Variants in TAF13 observed in about 807,000 individuals in gnomAD.
TAF13 encodes the protein TATA-box binding protein associated factor 13, also known as transcription initiation factor TFIID subunit 13.
Under a neutral mutation model 18.7 loss-of-function variants are expected in TAF13, and 9 were observed. The observed-to-expected ratio is 0.48, with a 90% CI of 0.29 to 0.84. TAF13 has a LOEUF of 0.84. Ranked by LOEUF, TAF13 falls within the 40% of genes least tolerant of loss-of-function variation. TAF13 has a pLI of 0.08. For missense variants in TAF13, 105 were observed against 146.5 expected (o/e 0.72, Z 1.46); for synonymous variants, 49 against 44.1 (o/e 1.11, Z -0.44).
intron 2 of TAF13, among the ~76,000 whole-genome samples, chr1:109,070,460 G>A (rs138782923): frequency 2.0e-5 from 3 of 152,098 alleles, no homozygotes; most frequent in African/African-American, 4.8e-5. Context: ...CTCATGATCC[G>A]CCCATCTCAG....
chr1:109,068,688 CAG>C (rs1377572482), intron 2 of TAF13, among the ~76,000 whole-genome samples: 1 of 152,042 alleles, frequency 6.6e-6, no homozygotes, highest in Non-Finnish European at 1.5e-5. Context: ...TATAAACTCC[CAG>C]TCCAGAGACA....
intron 3 of TAF13, among the ~76,000 whole-genome samples, chr1:109,064,971 A>G (rs761462170): frequency 6.6e-6 from 1 of 151,792 alleles, no homozygotes; most frequent in Non-Finnish European, 1.5e-5. Flanking sequence ...TGATATATGT[A>G]GATTTTGTCT....
chr1:109,064,647 T>C lies in TAF13; in HGVS notation c.251A>G (p.Glu84Gly). 1 of 1,570,854 alleles carries C rather than the reference T, an allele frequency of 6.4e-7. No homozygotes were observed. Among genetic ancestry groups the C allele is most frequent in the South Asian group, 1.2e-5 (1 of 83,430 alleles). The change falls in exon 4 of 4, where the codon GAA (glutamate) becomes GGA (glycine). Residue 84 changes from glutamate to glycine, a missense_variant. Glu to Gly is a moderately conservative substitution (Grantham distance 98, BLOSUM62 -2). Transcript: ENST00000338366. ...CTTTCGAATCAAGAAGACGATATCT[T>C]CAACTTGTACTCGACCTTGTCTTCC... ...SIGRQGRVQV[E>G]DIVFLIRKDP...
chr1:109,075,941 C>T lies in TAF13; in HGVS notation c.7G>A (p.Asp3Asn). The T allele has an allele frequency of 6.2e-7, 1 of 1,614,240 alleles. No individual in the cohort carries two copies. The highest frequency in any genetic ancestry group is 1.1e-5 in the South Asian group (1 of 91,090). ...CTCACCGTGGGGTCTTCTTCCTCAT[C>T]TGCCATCCCACTAGCACGCCAACTC... MA[D>N]EEEDPTFEEE... Residue 3 changes from aspartate to asparagine, a missense_variant, in exon 1 of 4, where the codon GAT becomes AAT. By Grantham distance (23) the Asp-to-Asn change is conservative. Transcript: ENST00000338366.
In TAF13 at chr1:109,064,482, T is replaced by C; in HGVS notation, c.*41A>G. ...TTAGAAAATATACAATTATTATATATGGTTTCCCCAGATGGTAATTTTCGG... is the reference window on the plus strand; with the variant it reads ...TTAGAAAATATACAATTATTATATACGGTTTCCCCAGATGGTAATTTTCGG... On this transcript the variant is annotated 3_prime_UTR_variant, in exon 4 of 4. Coordinates refer to ENST00000338366, the MANE Select transcript of TAF13 (RefSeq NM_005645.4). 7.4e-7 allele frequency: 1 copy of C among 1,356,040 alleles called. No individual in the cohort carries two copies. 84.0% of individuals were successfully genotyped at this position (1,356,040 alleles called of 1,614,324 possible).
intron 2 of TAF13, among the ~76,000 whole-genome samples, chr1:109,071,772 T>G (rs1023768039): frequency 1.6e-4 from 24 of 151,348 alleles, no homozygotes; most frequent in Non-Finnish European, 2.1e-4. Context: ...GCCAACATGA[T>G]GAAACCCTGT....
At chr1:109,075,119 A>AT in intron 1 of TAF13, 54 bp from the exon 2 acceptor site, 1 of 1,430,690 alleles carries the variant, frequency 7.0e-7, no homozygotes. Context: ...TGCATTTGAT[A>AT]TTTTAATAAT....
chr1:109,074,711 C>G (rs1426587608), intron 2 of TAF13, among the ~76,000 whole-genome samples: 1 of 151,268 alleles, frequency 6.6e-6, no homozygotes, highest in Non-Finnish European at 1.5e-5. Flanking sequence ...ACCCGGGAGG[C>G]GGAGCTTGCA....
chr1:109,074,161 A>T (rs894702038), intron 2 of TAF13, among the ~76,000 whole-genome samples: 11 of 152,218 alleles, frequency 7.2e-5, no homozygotes, highest in Non-Finnish European at 1.3e-4. Flanking sequence ...GAAAAGAAAG[A>T]GAGATCAGAT....
At position 109,064,458 on chromosome 1, in the gene TAF13, T is replaced by C. The variant is rs1305092256; in HGVS notation, c.*65A>G. The C allele has an allele frequency of 1.6e-6, 2 of 1,278,360 alleles. No individual in the cohort carries two copies. The highest frequency in any genetic ancestry group is 2.0e-6 in the Non-Finnish European group (2 of 985,694). 79.2% of individuals were successfully genotyped at this position (1,278,360 alleles called of 1,614,324 possible). The stretch of plus-strand genomic sequence containing the variant: ...ATGGCTAGATATCAGAATCTTACTT[T>C]AGAAAATATACAATTATTATATATG... On this transcript the variant is annotated 3_prime_UTR_variant, in exon 4 of 4. Transcript: ENST00000338366.
intron 3 of TAF13, among the ~76,000 whole-genome samples, chr1:109,065,414 G>A (rs28522171): frequency 0.15 from 23,065 of 151,856 alleles, 2,259 homozygotes; most frequent in East Asian, 0.35. Flanking sequence ...ACTTGAGTCC[G>A]GAAGGTCTCA....
chr1:109,071,187 T>C (rs759347047), intron 2 of TAF13, among the ~76,000 whole-genome samples: 1 of 152,068 alleles, frequency 6.6e-6, no homozygotes, highest in Non-Finnish European at 1.5e-5. Flanking sequence ...ACGCCTGTAA[T>C]TCCAGCACTT....
At chr1:109,066,064 AG>A in intron 3 of TAF13, 70 bp downstream of exon 3, 1 of 1,284,592 alleles carries the variant, frequency 7.8e-7, no homozygotes, top group Non-Finnish European at 1.1e-6. Flanking sequence ...CATAAGTTCT[AG>A]TCTTACCTAA....
At chr1:109,065,688 C>A (rs1000108754) in intron 3 of TAF13, among the ~76,000 whole-genome samples, 1 of 151,966 alleles carries the variant, frequency 6.6e-6, no homozygotes, top group Non-Finnish European at 1.5e-5. Context: ...TTTGGGAGGC[C>A]GAGGCTGGCG....
chr1:109,065,717 G>A (rs1247289151), intron 3 of TAF13, among the ~76,000 whole-genome samples: 1 of 152,116 alleles, frequency 6.6e-6, no homozygotes, highest in Non-Finnish European at 1.5e-5. Context: ...GAGGTTGGGA[G>A]TTTGAGACCA....
chr1:109,073,928 G>A (rs561096), intron 2 of TAF13, among the ~76,000 whole-genome samples: 2 of 149,880 alleles, frequency 1.3e-5, no homozygotes, highest in African/African-American at 4.9e-5. Flanking sequence ...GAGGAGCACC[G>A]CTGCCCGGCC....
intron 2 of TAF13, among the ~76,000 whole-genome samples, chr1:109,073,942 AC>A (rs1174344763): frequency 1.0e-4 from 15 of 144,176 alleles, no homozygotes; most frequent in Admixed American, 9.0e-4. Flanking sequence ...CCCGGCCGCC[AC>A]CCCGTCTGGG....
chr1:109,071,961 T>A (rs773972426), intron 2 of TAF13, among the ~76,000 whole-genome samples: 571 of 7,104 alleles, frequency 0.08, 19 homozygotes, highest in East Asian at 0.45. Flanking sequence ...AAAGAAAATA[T>A]ATATATATAT....
rs1663946147 is a variant in TAF13 at position 109,066,059 on chromosome 1, G to C, written c.204+76C>G. 7.3e-6 allele frequency: 9 copies of C among 1,240,758 alleles called. 1 individual carries two copies. The South Asian group carries it at 1.0e-4, about 14-fold the overall frequency. 76.9% of individuals were successfully genotyped at this position (1,240,758 alleles called of 1,614,324 possible). On this transcript the variant is annotated intron_variant, in intron 3 of 3. Coordinates refer to ENST00000338366, the MANE Select transcript of TAF13 (RefSeq NM_005645.4). Reference sequence around the variant, plus strand: ...AGCTTATTTCAAAGGGATGCCATAAGTTCTAGTCTTACCTAAAGTTTAATA... The same window carrying C: ...AGCTTATTTCAAAGGGATGCCATAACTTCTAGTCTTACCTAAAGTTTAATA...
Sources: allele counts gnomAD v4.1 joint callset (sites outside exome capture counted in the v4.1 genomes callset), GRCh38; gene constraint gnomAD v4.1.1; transcripts MANE v1.5; gene names NCBI Gene and HGNC (gene_info 2026-07-23, HGNC 2026-07-21).